ADAMTS20: variants seen among roughly 807,000 people sequenced by gnomAD.
The protein encoded by ADAMTS20 is ADAM metallopeptidase with thrombospondin type 1 motif 20.
Under a neutral mutation model 260.1 loss-of-function variants are expected in ADAMTS20, and 225 were observed. That is an observed-to-expected ratio of 0.87 (90% CI 0.78 to 0.97). The LOEUF is 0.97. Ranked by LOEUF, ADAMTS20 falls within the 50% of genes least tolerant of loss-of-function variation. The probability of loss-of-function intolerance (pLI) is 0.00; values close to 1 mark genes in which losing one functional copy is unlikely to be tolerated. For missense variants in ADAMTS20, 2,400 were observed against 2,337.7 expected (o/e 1.03, Z -0.55); for synonymous variants, 802 against 769.5 (o/e 1.04, Z -0.70).
At chr12:43,528,143 A>G (rs569167843) in intron 3 of ADAMTS20, among the ~76,000 whole-genome samples, 2 of 152,116 alleles carry the variant, frequency 1.3e-5, no homozygotes, top group Admixed American at 6.6e-5. Flanking sequence ...AAGGAGGTGA[A>G]AGATCTCAAC....
chr12:43,439,319 T>C (rs746630126), intron 18 of ADAMTS20, among the ~76,000 whole-genome samples: 2 of 152,126 alleles, frequency 1.3e-5, no homozygotes, highest in Admixed American at 6.5e-5. Context: ...GGAAGCAGGA[T>C]ATATATAAGT....
At chr12:43,382,519 TA>T (rs1016001266) in intron 31 of ADAMTS20, among the ~76,000 whole-genome samples, 8 of 152,142 alleles carry the variant, frequency 5.3e-5, no homozygotes, top group Non-Finnish European at 8.8e-5. Flanking sequence ...TGGGTGCAGA[TA>T]TTTTTTTGGG....
intron 7 of ADAMTS20, among the ~76,000 whole-genome samples, chr12:43,488,545 G>A (rs1942556379): frequency 6.6e-6 from 1 of 152,044 alleles, no homozygotes. Context: ...ATACCCATTC[G>A]AGCTAAGGAG....
chr12:43,429,615 A>T lies in ADAMTS20; in HGVS notation c.3489+2T>A. The T allele has an allele frequency of 6.3e-7, 1 of 1,581,048 alleles. No homozygotes were observed. The highest frequency in any genetic ancestry group is 8.6e-7 in the Non-Finnish European group (1 of 1,161,584). On this transcript the variant is annotated splice_donor_variant, in intron 24 of 38. Transcript: ENST00000389420. LOFTEE classifies it high-confidence loss of function. ...CTGTATCTATTAAAGAAATTCACTT[A>T]CTGGGGTCCAAGAACCATGTCGCCA...
chr12:43,461,395 T>C (rs1942063282), intron 11 of ADAMTS20, among the ~76,000 whole-genome samples: 1 of 152,102 alleles, frequency 6.6e-6, no homozygotes, highest in Non-Finnish European at 1.5e-5. Flanking sequence ...ATACCTAAGA[T>C]CTATGCATTA....
At chr12:43,520,822 T>G (rs189556784) in intron 3 of ADAMTS20, among the ~76,000 whole-genome samples, 2 of 152,318 alleles carry the variant, frequency 1.3e-5, no homozygotes, top group Admixed American at 1.3e-4. Context: ...TGCTCACACA[T>G]TTATAAAATG....
intron 29 of ADAMTS20, among the ~76,000 whole-genome samples, chr12:43,393,305 G>T: frequency 6.6e-6 from 1 of 152,048 alleles, no homozygotes; most frequent in Admixed American, 6.6e-5. Context: ...TAAAGGCATT[G>T]TGAAGCTGTA....
At chr12:43,389,938 T>C (rs546150746) in intron 29 of ADAMTS20, among the ~76,000 whole-genome samples, 1 of 152,298 alleles carries the variant, frequency 6.6e-6, no homozygotes, top group South Asian at 2.1e-4. Flanking sequence ...GCATGACTCA[T>C]TTACTCTGTG....
chr12:43,541,776 G>GT, intron 2 of ADAMTS20, among the ~76,000 whole-genome samples: 1 of 152,152 alleles, frequency 6.6e-6, no homozygotes, highest in African/African-American at 2.4e-5. Flanking sequence ...GTTTTGTTTT[G>GT]TTTTTTAAGG....
At chr12:43,491,253 G>T (rs1342755841) in intron 6 of ADAMTS20, among the ~76,000 whole-genome samples, 1 of 152,106 alleles carries the variant, frequency 6.6e-6, no homozygotes, top group Non-Finnish European at 1.5e-5. Context: ...GTACAGGTTT[G>T]TAGCCTAGGG....
At chr12:43,546,615 T>C (rs112661368) in intron 2 of ADAMTS20, among the ~76,000 whole-genome samples, 4 of 152,238 alleles carry the variant, frequency 2.6e-5, no homozygotes, top group African/African-American at 7.2e-5. Context: ...TTAACAACAT[T>C]ATGAGATGAT....
chr12:43,410,216 C>T (rs1380422723), intron 28 of ADAMTS20, among the ~76,000 whole-genome samples: 8 of 151,958 alleles, frequency 5.3e-5, no homozygotes, highest in Non-Finnish European at 1.2e-4. Context: ...AAAACCAAAA[C>T]ACAGGATGAG....
chr12:43,545,597 C>G (rs768797012), intron 2 of ADAMTS20, among the ~76,000 whole-genome samples: 1 of 152,108 alleles, frequency 6.6e-6, no homozygotes, highest in South Asian at 2.1e-4. Flanking sequence ...GCACCCTGGC[C>G]ATAGCTCCCA....
chr12:43,550,787 C>A (rs1000924852), intron 2 of ADAMTS20, 122 bp downstream of exon 2: 22 of 1,386,698 alleles, frequency 1.6e-5, no homozygotes, highest in Non-Finnish European at 1.9e-6. Context: ...GTTAATCCTT[C>A]TTGTAGCCCA....
chr12:43,421,994 G>A (rs1302038394), intron 28 of ADAMTS20, among the ~76,000 whole-genome samples: 2 of 151,634 alleles, frequency 1.3e-5, no homozygotes. Context: ...TTAAGTGCAA[G>A]GAGTAAAAAT....
At chr12:43,371,712 A>C (rs1444242831) in intron 36 of ADAMTS20, among the ~76,000 whole-genome samples, 2 of 152,186 alleles carry the variant, frequency 1.3e-5, no homozygotes, top group East Asian at 3.9e-4. Flanking sequence ...AAGGAACAGC[A>C]AACAGGCCAC....
chr12:43,462,846 A>G, intron 11 of ADAMTS20, 49 bp downstream of exon 11: 1 of 1,459,326 alleles, frequency 6.9e-7, no homozygotes, highest in African/African-American at 1.4e-5. Flanking sequence ...GAGCAATCAC[A>G]TCCTTGGATA....
At position 43,551,112 on chromosome 12, in the gene ADAMTS20, C is replaced by A; in HGVS notation, c.250G>T (p.Ala84Ser). 1 of 1,613,918 alleles carries A rather than the reference C, an allele frequency of 6.2e-7. No homozygotes were observed. Among genetic ancestry groups the A allele is most frequent in the South Asian group, 1.1e-5 (1 of 91,086 alleles). ...MPFRTHYRFT[A>S]YGQLFQLNLT... ...TTCAGCTGGAAGAGCTGCCCGTAGG[C>A]AGTGAAGCGATAGTGGGTTCGGAAC... Residue 84 changes from alanine (A) to serine (S), a missense_variant, in exon 2 of 39, where the codon GCC (alanine) becomes TCC (serine). Ala to Ser is a moderately conservative substitution (Grantham distance 99). Coordinates refer to ENST00000389420, the MANE Select transcript of ADAMTS20 (RefSeq NM_025003.5). The surrounding 1 kb of genome is among the most constrained non-coding windows in gnomAD (Gnocchi z 4.6).
chr12:43,452,715 T>C lies in ADAMTS20; in HGVS notation c.1761-20A>G. On this transcript the variant is annotated intron_variant, in intron 12 of 38. Coordinates refer to ENST00000389420, the MANE Select transcript of ADAMTS20 (RefSeq NM_025003.5). ...CTTGGCCTAGTCAAATTCATTACATTTTAAAGCACATCAGTACAACATTAT... is the reference window on the plus strand; with the variant it reads ...CTTGGCCTAGTCAAATTCATTACATCTTAAAGCACATCAGTACAACATTAT... 1.9e-6 allele frequency: 3 copies of C among 1,583,150 alleles called. No homozygotes were observed. The highest frequency in any genetic ancestry group is 1.7e-6 in the Non-Finnish European group (2 of 1,161,602).
Sources: gnomAD v4.1 joint callset for allele counts (sites outside exome capture counted in the v4.1 genomes callset) on GRCh38, gnomAD v4.1.1 for gene constraint, Gnocchi (gnomAD v3.1) non-coding constraint, MANE v1.5 for transcripts, NCBI Gene and HGNC (gene_info 2026-07-23, HGNC 2026-07-21) for gene names.